The following NFATC1 variants were observed in gnomAD, a reference collection of about 807,000 sequenced individuals.
The protein encoded by NFATC1 is nuclear factor of activated T cells 1, also known as nuclear factor of activated T-cells, cytoplasmic 1.
A neutral mutation model predicts 76.0 loss-of-function variants in NFATC1; 22 were observed. The observed-to-expected ratio is 0.29, with a 90% CI of 0.21 to 0.41. The LOEUF (loss-of-function observed/expected upper bound fraction) is 0.41. Among genes scored for constraint, NFATC1 ranks in the 10% least tolerant of loss-of-function variants. The pLI is 1.00. For missense variants in NFATC1, 1,357 were observed against 1,337.7 expected (o/e 1.01, Z -0.23); for synonymous variants, 704 against 613.1 (o/e 1.15, Z -2.19).
chr18:79,502,448 C>T (rs1356519280), intron 9 of NFATC1, among the ~76,000 whole-genome samples: 1 of 152,162 alleles, frequency 6.6e-6, no homozygotes, highest in Admixed American at 6.5e-5. Context: ...ATCAAAAGCA[C>T]AGCTCATAAA....
chr18:79,428,313 A>G (rs2086470130), intron 2 of NFATC1, among the ~76,000 whole-genome samples: 1 of 152,178 alleles, frequency 6.6e-6, no homozygotes, highest in Non-Finnish European at 1.5e-5. Flanking sequence ...TCAGTCTTGC[A>G]CTGGTGTTTT....
At chr18:79,416,097 T>A (rs2085866980) in intron 2 of NFATC1, among the ~76,000 whole-genome samples, 1 of 152,240 alleles carries the variant, frequency 6.6e-6, no homozygotes, top group South Asian at 2.1e-4. Context: ...ATTTCAGACA[T>A]TAAGTTTTGG....
At chr18:79,423,170 A>T (rs1442402872) in intron 2 of NFATC1, among the ~76,000 whole-genome samples, 1 of 151,940 alleles carries the variant, frequency 6.6e-6, no homozygotes, top group East Asian at 1.9e-4. Flanking sequence ...TCCTGGTCGT[A>T]CTCCAATCCC....
chr18:79,400,308 G>C, intron 1 of NFATC1: 2 of 1,268,744 alleles, frequency 1.6e-6, no homozygotes, highest in Non-Finnish European at 2.0e-6. Context: ...CACGTTACGC[G>C]GAGGACGCGC....
intron 2 of NFATC1, among the ~76,000 whole-genome samples, chr18:79,412,803 G>A (rs529737087): frequency 5.3e-5 from 8 of 152,208 alleles, no homozygotes; most frequent in Admixed American, 2.0e-4. Flanking sequence ...TAGAATCGTC[G>A]TCAGCTGAGG....
chr18:79,499,115 C>T (rs2089960428), intron 9 of NFATC1, among the ~76,000 whole-genome samples: 1 of 152,112 alleles, frequency 6.6e-6, no homozygotes, highest in Non-Finnish European at 1.5e-5. Flanking sequence ...CTTCTCTGAA[C>T]TGATGTAAAA....
In NFATC1 at chr18:79,411,509, GGCAGCGCGGGGCGGGAC is replaced by G. The variant is rs1378339597; in HGVS notation, c.1226+10_1226+26del. ...CCCTACGTCCTACATGAGGTGAGCC[GGCAGCGCGGGGCGGGAC>G]GGGGAGGCGAGGGGAGGCGCGGGGC... On this transcript the variant is annotated intron_variant, in intron 2 of 9. Transcript: ENST00000427363. 9 of 1,463,874 alleles carry G rather than the reference GGCAGCGCGGGGCGGGAC, an allele frequency of 6.1e-6. No homozygotes were observed. Among genetic ancestry groups the G allele is most frequent in the Non-Finnish European group, 8.1e-6 (9 of 1,109,724 alleles). The allele number at this position is 1,463,874 out of a possible 1,614,324, so 90.7% of individuals were successfully genotyped here. A position where few individuals can be genotyped will look rare whatever the true frequency, so the allele number is the denominator to read the frequency against.
intron 3 of NFATC1, among the ~76,000 whole-genome samples, chr18:79,434,149 T>G (rs1305366080): frequency 3.3e-5 from 5 of 152,210 alleles, no homozygotes; most frequent in African/African-American, 1.2e-4. Flanking sequence ...GATCCCATAC[T>G]CTGGGCTTGG....
At chr18:79,484,739 G>A (rs935861379) in intron 8 of NFATC1, among the ~76,000 whole-genome samples, 1 of 152,256 alleles carries the variant, frequency 6.6e-6, no homozygotes, top group African/African-American at 2.4e-5. Context: ...TCCTACAGCT[G>A]GGAACGGCCC....
chr18:79,411,995 G>T (rs558523191), intron 2 of NFATC1, among the ~76,000 whole-genome samples: 1 of 152,210 alleles, frequency 6.6e-6, no homozygotes, highest in African/African-American at 2.4e-5. Flanking sequence ...TCCCTGCCTC[G>T]GGTGCAGATG....
intron 9 of NFATC1, among the ~76,000 whole-genome samples, chr18:79,514,600 A>G (rs1600978586): frequency 1.7e-5 from 2 of 121,162 alleles, no homozygotes; most frequent in South Asian, 5.2e-4. Flanking sequence ...AACCAATCTC[A>G]CTCCCCACCC....
chr18:79,429,900 G>A (rs1364689055), intron 2 of NFATC1, among the ~76,000 whole-genome samples: 2 of 152,264 alleles, frequency 1.3e-5, no homozygotes, highest in African/African-American at 4.8e-5. Context: ...GTTCTCGTGA[G>A]ATCGTGAGAG....
At chr18:79,517,027 A>G (rs1197016061) in intron 9 of NFATC1, among the ~76,000 whole-genome samples, 2 of 152,270 alleles carry the variant, frequency 1.3e-5, no homozygotes, top group Non-Finnish European at 2.9e-5. Context: ...CGCCACAGCC[A>G]TGAAAATCCA....
chr18:79,474,848 C>CATT (rs2088980284), intron 8 of NFATC1, among the ~76,000 whole-genome samples: 3 of 139,696 alleles, frequency 2.1e-5, no homozygotes, highest in African/African-American at 3.0e-5. Flanking sequence ...TCGCTGTCAA[C>CATT]GTAAACCTGA....
chr18:79,527,684 A>T lies in NFATC1; in HGVS notation c.*107A>T. The stretch of plus-strand genomic sequence containing the variant: ...CACCTGGTACCACTCAGAACCTCCA[A>T]CTGACTGAATGCCAGGAGCTGAACA... On this transcript the variant is annotated 3_prime_UTR_variant, in exon 10 of 10. Coordinates refer to ENST00000427363, the MANE Select transcript of NFATC1 (RefSeq NM_001278669.2). 4.1e-6 allele frequency: 4 copies of T among 981,640 alleles called. No homozygotes were observed. The South Asian group carries it at 5.4e-5, about 13-fold the overall frequency. The allele number at this position is 981,640 out of a possible 1,614,324, so 60.8% of individuals were successfully genotyped here.
chr18:79,454,027 C>T (rs1051964980), intron 6 of NFATC1, among the ~76,000 whole-genome samples: 2 of 152,168 alleles, frequency 1.3e-5, no homozygotes, highest in South Asian at 2.1e-4. Context: ...CACAGTTGCC[C>T]TCTCGTTTTC....
Position 79,519,160 on chromosome 18 carries a change from C to T in NFATC1, c.2783-8368C>T, listed in dbSNP as rs146506045. 3.0e-3 allele frequency among the ~76,000 whole-genome samples: 452 copies of T among 152,242 alleles called. 3 individuals carry two copies. Among genetic ancestry groups the T allele is most frequent in the African/African-American group, 0.01 (432 of 41,534 alleles). On this transcript the variant is annotated intron_variant, in intron 9 of 9. Transcript: ENST00000427363. ...GGCGGCTGGCAGGCTGCTCACAGAT[C>T]TCCGAACCATGGTTTGAACAAGGCA...
intron 3 of NFATC1, among the ~76,000 whole-genome samples, chr18:79,434,858 G>T (rs1229561027): frequency 6.6e-6 from 1 of 152,248 alleles, no homozygotes; most frequent in Admixed American, 6.5e-5. Flanking sequence ...ACTTGCAGAT[G>T]ATGTTAATGT....
At chr18:79,456,280 T>C (rs890867084) in intron 6 of NFATC1, among the ~76,000 whole-genome samples, 3 of 152,202 alleles carry the variant, frequency 2.0e-5, no homozygotes, top group South Asian at 2.1e-4. Context: ...GTGGGGTGCA[T>C]GTCCCCAGGC....
Sources: gnomAD v4.1 joint callset for allele counts (sites outside exome capture counted in the v4.1 genomes callset) on GRCh38, gnomAD v4.1.1 for gene constraint, MANE v1.5 for transcripts, NCBI Gene and HGNC (gene_info 2026-07-23, HGNC 2026-07-21) for gene names.